The following PCDH15 variants were observed in gnomAD, a reference collection of about 807,000 sequenced individuals.
The protein encoded by PCDH15 is protocadherin related 15.
Under a neutral mutation model 178.5 loss-of-function variants are expected in PCDH15, and 129 were observed. The ratio of observed to expected loss-of-function variants is 0.72; its 90% confidence interval spans 0.63 to 0.84. PCDH15 has a LOEUF of 0.84. Ranked by LOEUF, PCDH15 falls within the 40% of genes least tolerant of loss-of-function variation. The pLI is 0.00. For synonymous variants in PCDH15, 800 were observed against 732.0 expected (o/e 1.09, Z -1.50); for missense variants, 2,230 against 2,099.9 (o/e 1.06, Z -1.21).
chr10:54,369,042 C>A (rs964024520), intron 5 of PCDH15, 78 bp downstream of exon 5: 64 of 1,471,898 alleles, frequency 4.3e-5, no homozygotes, highest in Non-Finnish European at 5.9e-5. Context: ...TTAAAGGAAT[C>A]ATTTATAAAC....
At position 55,428,566 on chromosome 10, in the gene PCDH15, T is replaced by TTATCTATC. The variant is rs138673311; in HGVS notation, c.-156+199051_-156+199058dup. 4.1e-3 allele frequency among the ~76,000 whole-genome samples: 627 copies of TTATCTATC among 151,688 alleles called. 5 individuals are homozygous for TTATCTATC. The highest frequency in any genetic ancestry group is 0.014 in the African/African-American group (573 of 41,482). ...ATAAATTCTTTCTCTATATCTATAATTATCTATCTATCTATCTATCTATCT... is the reference window on the plus strand; with the variant it reads ...ATAAATTCTTTCTCTATATCTATAATTATCTATCTATCTATCTATCTATCTATCTATCT... On this transcript the variant is annotated intron_variant, in intron 2 of 5. Transcript: ENST00000613346.
intron 1 of PCDH15, among the ~76,000 whole-genome samples, chr10:55,172,928 T>C (rs182533960): frequency 2.0e-3 from 307 of 152,096 alleles, no homozygotes; most frequent in African/African-American, 7.1e-3. Context: ...TCTAAAAGCC[T>C]TTTAAATGCA....
intron 14 of PCDH15, among the ~76,000 whole-genome samples, chr10:54,147,642 A>G (rs948692895): frequency 1.3e-5 from 2 of 151,960 alleles, no homozygotes; most frequent in African/African-American, 2.4e-5. Context: ...AAAAATATGT[A>G]TATATAATAC....
chr10:55,228,340 T>C (rs1841113124), intron 1 of PCDH15, among the ~76,000 whole-genome samples: 1 of 151,856 alleles, frequency 6.6e-6, no homozygotes, highest in Admixed American at 6.6e-5. Context: ...ATAAAAATGT[T>C]ATCTAGGAAG....
chr10:54,889,937 T>C (rs2131814838), intron 3 of PCDH15, among the ~76,000 whole-genome samples: 1 of 152,022 alleles, frequency 6.6e-6, no homozygotes, highest in African/African-American at 2.4e-5. Context: ...TAGAGACACA[T>C]TAGCCATTGA....
chr10:53,905,922 A>G (rs927822529), intron 25 of PCDH15, among the ~76,000 whole-genome samples: 1 of 152,048 alleles, frequency 6.6e-6, no homozygotes, highest in Non-Finnish European at 1.5e-5. Flanking sequence ...ACAAAATTCC[A>G]GAATACTTCA....
At chr10:53,811,341 A>G (rs552464134) in intron 36 of PCDH15, among the ~76,000 whole-genome samples, 86 of 152,286 alleles carry the variant, frequency 5.6e-4, no homozygotes, top group African/African-American at 1.8e-3. Context: ...ATCGATATCA[A>G]TGTAAAATAT....
In PCDH15 at chr10:55,235,906, C is replaced by CAA. The variant is rs144784085; in HGVS notation, c.-155-69257_-155-69256dup. Among the ~76,000 whole-genome samples the CAA allele has an allele frequency of 3.6e-3, 421 of 115,622 alleles. 16 individuals are homozygous for CAA. The highest frequency in any genetic ancestry group is 7.1e-3 in the African/African-American group (221 of 30,958). The allele number at this position is 115,622 out of a possible 152,430, so 75.9% of individuals were successfully genotyped here. On this transcript the variant is annotated intron_variant, in intron 1 of 5. Coordinates refer to the PCDH15 transcript ENST00000458638. ...TGGGCGACAGAGCGAGACTCCATGTCAAAAAAAAAAAAAAAAAAAAAAAAA... is the reference window on the plus strand; with the variant it reads ...TGGGCGACAGAGCGAGACTCCATGTCAAAAAAAAAAAAAAAAAAAAAAAAAAA...
intron 2 of PCDH15, among the ~76,000 whole-genome samples, chr10:54,978,490 A>G (rs562652258): frequency 1.9e-4 from 29 of 152,282 alleles, no homozygotes; most frequent in South Asian, 6.2e-4. Flanking sequence ...GCCTATTTGC[A>G]TAAGAACTAT....
chr10:55,398,903 T>C (rs1047311649), intron 2 of PCDH15, among the ~76,000 whole-genome samples: 1 of 152,050 alleles, frequency 6.6e-6, no homozygotes, highest in Admixed American at 6.6e-5. Flanking sequence ...TCTTATGGGA[T>C]AAGAAAAAGA....
intron 2 of PCDH15, among the ~76,000 whole-genome samples, chr10:54,984,242 A>G (rs1839310801): frequency 6.6e-6 from 1 of 152,014 alleles, no homozygotes; most frequent in South Asian, 2.1e-4. Flanking sequence ...TCTTCTCCCC[A>G]CAAGTGAGGG....
intron 35 of PCDH15, among the ~76,000 whole-genome samples, chr10:53,815,689 T>C (rs1276258590): frequency 6.6e-6 from 1 of 151,922 alleles, no homozygotes; most frequent in African/African-American, 2.4e-5. Context: ...TGTCTGTGTT[T>C]TTATTTTTAA....
At chr10:55,453,809 C>A (rs1839488013) in intron 2 of PCDH15, among the ~76,000 whole-genome samples, 1 of 152,144 alleles carries the variant, frequency 6.6e-6, no homozygotes, top group Non-Finnish European at 1.5e-5. Flanking sequence ...CTTCTTCTTG[C>A]ATTAAAATAC....
intron 3 of PCDH15, among the ~76,000 whole-genome samples, chr10:54,436,483 A>G (rs569086260): frequency 7.2e-5 from 11 of 152,282 alleles, no homozygotes; most frequent in Admixed American, 4.6e-4. Flanking sequence ...GTTCTCTGAA[A>G]TATTAATAAG....
chr10:54,449,393 C>G (rs1371726893), intron 3 of PCDH15, among the ~76,000 whole-genome samples: 1 of 151,758 alleles, frequency 6.6e-6, no homozygotes, highest in East Asian at 1.9e-4. Flanking sequence ...AGAGAAAAAT[C>G]TAGAGAAACA....
chr10:54,961,946 A>G (rs1007865370), intron 2 of PCDH15, among the ~76,000 whole-genome samples: 5 of 152,024 alleles, frequency 3.3e-5, no homozygotes, highest in South Asian at 2.1e-4. Flanking sequence ...TCTCCTCTAC[A>G]CTCATTGGGA....
intron 11 of PCDH15, among the ~76,000 whole-genome samples, chr10:54,193,545 T>C (rs1202910579): frequency 6.6e-6 from 1 of 152,150 alleles, no homozygotes; most frequent in African/African-American, 2.4e-5. Context: ...ACAAAATACA[T>C]TTGCTCAGCC....
chr10:54,350,059 C>T (rs1308093279), intron 5 of PCDH15, among the ~76,000 whole-genome samples: 2 of 151,946 alleles, frequency 1.3e-5, no homozygotes, highest in African/African-American at 4.8e-5. Flanking sequence ...ATAGAGAAAA[C>T]CTTTTTTCTA....
chr10:55,600,629 C>T (rs191953925), intron 2 of PCDH15, among the ~76,000 whole-genome samples: 26 of 152,180 alleles, frequency 1.7e-4, no homozygotes, highest in Admixed American at 1.4e-3. Flanking sequence ...TAAAGTCCTT[C>T]GTGATCTGAG....
Sources: gnomAD v4.1 joint callset for allele counts (sites outside exome capture counted in the v4.1 genomes callset) on GRCh38, gnomAD v4.1.1 for gene constraint, MANE v1.5 for transcripts, NCBI Gene and HGNC (gene_info 2026-07-23, HGNC 2026-07-21) for gene names.